FANCM: variants seen among roughly 807,000 people sequenced by gnomAD.
The protein encoded by FANCM is FA complementation group M, also known as Fanconi anemia group M protein.
FANCM carries 140 observed loss-of-function variants against 199.5 expected under a neutral mutation model. That is an observed-to-expected ratio of 0.70 (90% confidence interval 0.61 to 0.81). The LOEUF (loss-of-function observed/expected upper bound fraction) is 0.81. Ranked by LOEUF, FANCM falls within the 30% of genes least tolerant of loss-of-function variation. The pLI is 0.00. For synonymous variants in FANCM, 840 were observed against 836.8 expected, an observed-to-expected ratio of 1.00 and a Z score of -0.07; for missense variants, 2,410 against 2,421.4, an observed-to-expected ratio of 1.00 and a Z score of 0.10.
At chr14:45,139,599 C>T (rs1026485997) in intron 2 of FANCM, among the ~76,000 whole-genome samples, 14 of 152,004 alleles carry the variant, frequency 9.2e-5, no homozygotes, top group African/African-American at 3.1e-4. Context: ...TTGGTGCTAC[C>T]GAGGAAATGT....
intron 21 of FANCM, 98 bp from the exon 22 acceptor site, chr14:45,198,541 CTCAAT>C: frequency 1.4e-6 from 1 of 715,740 alleles, no homozygotes; most frequent in Non-Finnish European, 2.2e-6. Context: ...CACCAGTTTG[CTCAAT>C]GGTGTAGATC....
Position 45,173,392 on chromosome 14 carries a change from G to C in FANCM, c.2316+182G>C, listed in dbSNP as rs145457458. 2.5e-3 allele frequency among the ~76,000 whole-genome samples: 385 copies of C among 152,198 alleles called. 3 individuals are homozygous for C. The highest frequency in any genetic ancestry group is 8.9e-3 in the African/African-American group (369 of 41,528). Reference sequence around the variant, plus strand: ...AAATAGATTTAATTAATTAGAAGAAGAATATCATCTGTAAATATTGATAGA... The same window carrying C: ...AAATAGATTTAATTAATTAGAAGAACAATATCATCTGTAAATATTGATAGA... On this transcript the variant is annotated intron_variant, in intron 13 of 22. Coordinates refer to ENST00000267430, the MANE Select transcript of FANCM (RefSeq NM_020937.4).
chr14:45,190,977 C>T (rs979322355), intron 20 of FANCM, among the ~76,000 whole-genome samples: 1 of 152,158 alleles, frequency 6.6e-6, no homozygotes, highest in African/African-American at 2.4e-5. Context: ...ATGTGATCCT[C>T]CTACCTCAGC....
chr14:45,148,436 T>G (rs1886583553), intron 3 of FANCM, among the ~76,000 whole-genome samples: 1 of 152,188 alleles, frequency 6.6e-6, no homozygotes, highest in African/African-American at 2.4e-5. Flanking sequence ...TATATTCACA[T>G]CATATATGTT....
chr14:45,192,543 T>TGC (rs1300411308), intron 20 of FANCM, among the ~76,000 whole-genome samples: 8 of 152,164 alleles, frequency 5.3e-5, no homozygotes, highest in Non-Finnish European at 8.8e-5. Flanking sequence ...TTCAGGAGGC[T>TGC]GCGCCAGGAG....
intron 3 of FANCM, among the ~76,000 whole-genome samples, chr14:45,144,242 C>G (rs1019908383): frequency 2.6e-5 from 4 of 152,076 alleles, no homozygotes; most frequent in Admixed American, 6.6e-5. Context: ...TATAGTCACC[C>G]TATTATGCTA....
At chr14:45,199,802 T>C in intron 22 of FANCM, 68 bp from the exon 23 acceptor site, 1 of 1,354,684 alleles carries the variant, frequency 7.4e-7, no homozygotes, top group Non-Finnish European at 1.1e-6. Context: ...TGGTGTTCTT[T>C]AGGTAATATT....
At chr14:45,197,652 A>G (rs1188946219) in intron 21 of FANCM, among the ~76,000 whole-genome samples, 2 of 147,386 alleles carry the variant, frequency 1.4e-5, no homozygotes, top group Admixed American at 6.8e-5. Context: ...TTTAGTAGAG[A>G]TGGTGTTTCA....
chr14:45,196,578 G>T (rs746089727), intron 21 of FANCM, 31 bp downstream of exon 21: 1 of 1,599,664 alleles, frequency 6.3e-7, no homozygotes, highest in Non-Finnish European at 8.5e-7. Context: ...TTGTTTATAA[G>T]ACTGTAAAGG....
Position 45,185,339 on chromosome 14 carries a change from A to C in FANCM, c.4638A>C (p.Leu1546Phe). The change falls in exon 18 of 23, where the codon TTA becomes TTC. Residue 1546 changes from leucine to phenylalanine, a missense_variant. Leu to Phe is a conservative substitution (Grantham distance 22). Transcript: ENST00000267430. Reference sequence around the variant, plus strand: ...AAGATTCCTCATTACTTGACTTTTTAAATGATGAAACTCAACTTTCACAGG... The same window carrying C: ...AAGATTCCTCATTACTTGACTTTTTCAATGATGAAACTCAACTTTCACAGG... ...NEQDSSLLDF[L>F]NDETQLSQAI... 2 of 1,594,002 alleles carry C rather than the reference A, an allele frequency of 1.3e-6. No homozygotes were observed. The highest frequency in any genetic ancestry group is 1.7e-6 in the Non-Finnish European group (2 of 1,166,422).
At chr14:45,171,137 CTT>C (rs1312332875) in intron 12 of FANCM, among the ~76,000 whole-genome samples, 17 of 139,074 alleles carry the variant, frequency 1.2e-4, no homozygotes, top group Non-Finnish European at 1.4e-4. Context: ...TTCTTTTCAA[CTT>C]TTTTTTTTTT....
rs772284228 is a variant in FANCM, at chr14:45,164,530, A to G, written c.1753A>G (p.Ile585Val). 15 of 1,613,324 alleles carry G rather than the reference A, an allele frequency of 9.3e-6. No individual in the cohort carries two copies. The highest frequency in any genetic ancestry group is 1.1e-5 in the Non-Finnish European group (13 of 1,179,962). The change falls in exon 10 of 23, where the codon ATA becomes GTA. Residue 585 changes from isoleucine (I) to valine (V), a missense_variant. Transcript: ENST00000267430. Reference sequence around the variant, plus strand: ...AACTGGCCGTAAACGTCAAGGCAGGATAGTTATTATCCTTTCTGAAGGACG... The same window carrying G: ...AACTGGCCGTAAACGTCAAGGCAGGGTAGTTATTATCCTTTCTGAAGGACG... Reference protein sequence around the residue: ...GRTGRKRQGRIVIILSEGREE... With the variant: ...GRTGRKRQGRVVIILSEGREE...
chr14:45,167,944 A>G (rs1245333877), intron 11 of FANCM, among the ~76,000 whole-genome samples: 1 of 152,184 alleles, frequency 6.6e-6, no homozygotes, highest in African/African-American at 2.4e-5. Flanking sequence ...TAGAGGGTTC[A>G]TTCCATTGTT....
At chr14:45,154,590 C>T in intron 6 of FANCM, 107 bp from the exon 7 acceptor site, 2 of 804,258 alleles carry the variant, frequency 2.5e-6, no homozygotes, top group Non-Finnish European at 3.9e-6. Flanking sequence ...CATGTTTACA[C>T]TTGAAAAACT....
intron 18 of FANCM, 126 bp downstream of exon 18, chr14:45,185,499 T>C: frequency 3.5e-6 from 2 of 578,614 alleles, no homozygotes; most frequent in Non-Finnish European, 5.9e-6. Context: ...GCAAAATATT[T>C]ATTTGGTCAT....
chr14:45,140,406 C>A (rs1032459792), intron 2 of FANCM, among the ~76,000 whole-genome samples: 2 of 152,156 alleles, frequency 1.3e-5, no homozygotes, highest in Non-Finnish European at 2.9e-5. Context: ...TTTGATGTTG[C>A]AGTTTTTTCT....
intron 2 of FANCM, among the ~76,000 whole-genome samples, chr14:45,139,851 G>A: frequency 6.6e-6 from 1 of 151,956 alleles, no homozygotes; most frequent in East Asian, 1.9e-4. Flanking sequence ...CAGGTATGCT[G>A]GCGCATACCT....
chr14:45,196,328 G>A lies in FANCM; in HGVS notation c.5497G>A (p.Val1833Ile). 2 of 1,614,164 alleles carry A rather than the reference G, an allele frequency of 1.2e-6. No homozygotes were observed. Among genetic ancestry groups the A allele is most frequent in the Non-Finnish European group, 1.7e-6 (2 of 1,180,014 alleles). The change falls in exon 21 of 23, where the codon GTA becomes ATA. Residue 1833 changes from valine to isoleucine, a missense_variant. Val to Ile is a conservative substitution (Grantham distance 29, BLOSUM62 3). Transcript: ENST00000267430. ...GGHEITSGLE[V>I]ISSLRAIHGL... ...TCATGAAATCACTTCTGGATTAGAA[G>A]TAATTTCTTCCCTAAGAGCAATTCA...
Position 45,183,908 on chromosome 14 carries a change from C to CT in FANCM, c.4515+14dup, listed in dbSNP as rs747887646. 1.6e-5 allele frequency: 25 copies of CT among 1,602,260 alleles called. No homozygotes were observed. Among genetic ancestry groups the CT allele is most frequent in the East Asian group, 2.2e-5 (1 of 44,498 alleles). On this transcript the variant is annotated splice_region_variant and intron_variant, in intron 17 of 22. Transcript: ENST00000267430. The stretch of plus-strand genomic sequence containing the variant: ...AGAGACAGAGTCACTTAAAGGTAAT[C>CT]TTTTTTTTAGTTTCTTTAAATATGT...
Sources: gnomAD v4.1 joint callset for allele counts (sites outside exome capture counted in the v4.1 genomes callset) on GRCh38, gnomAD v4.1.1 for gene constraint, MANE v1.5 for transcripts, NCBI Gene and HGNC (gene_info 2026-07-23, HGNC 2026-07-21) for gene names.